PCDH9: variants seen among roughly 807,000 people sequenced by gnomAD.
PCDH9 encodes the protein protocadherin 9, also known as protocadherin-9.
A neutral mutation model predicts 70.6 loss-of-function variants in PCDH9; 24 were observed. The observed-to-expected ratio is 0.34, with a 90% CI of 0.25 to 0.48. The LOEUF is 0.48. Among genes scored for constraint, PCDH9 ranks in the 20% least tolerant of loss-of-function variants. The pLI, the probability that PCDH9 is intolerant of heterozygous loss-of-function variation, is 0.99. For missense variants in PCDH9, 1,281 were observed against 1,503.6 expected (o/e 0.85, Z 2.45); for synonymous variants, 562 against 558.5 (o/e 1.01, Z -0.09).
chr13:66,716,254 G>A (rs2078864883), intron 3 of PCDH9, among the ~76,000 whole-genome samples: 1 of 152,180 alleles, frequency 6.6e-6, no homozygotes, highest in Admixed American at 6.5e-5. Context: ...GTATGTAGTT[G>A]GCAAAAGCAG....
At chr13:66,471,659 T>A (rs932069785) in intron 4 of PCDH9, among the ~76,000 whole-genome samples, 7 of 152,208 alleles carry the variant, frequency 4.6e-5, no homozygotes, top group Admixed American at 3.3e-4. Context: ...ATAATTATTA[T>A]CTTTTTTCAC....
At chr13:67,154,593 A>T (rs867118277) in intron 2 of PCDH9, among the ~76,000 whole-genome samples, 21,861 of 85,348 alleles carry the variant, frequency 0.26, 3,357 homozygotes, top group South Asian at 0.34. Flanking sequence ...AAAAAAAAAA[A>T]AAATATATAT....
intron 4 of PCDH9, among the ~76,000 whole-genome samples, chr13:66,592,006 A>G (rs1455368193): frequency 5.3e-5 from 8 of 151,726 alleles, no homozygotes; most frequent in African/African-American, 1.9e-4. Context: ...TGTGAGGTCA[A>G]CTATTTAATG....
intron 3 of PCDH9, among the ~76,000 whole-genome samples, chr13:66,690,470 A>G (rs915148951): frequency 1.3e-5 from 2 of 152,232 alleles, no homozygotes; most frequent in African/African-American, 4.8e-5. Context: ...TTAGGGTTAA[A>G]GAATCATAAG....
chr13:67,144,108 G>T (rs2087463586), intron 2 of PCDH9, among the ~76,000 whole-genome samples: 1 of 152,138 alleles, frequency 6.6e-6, no homozygotes, highest in African/African-American at 2.4e-5. Flanking sequence ...CAAAATGTGT[G>T]AAGAGGAAAT....
At chr13:66,731,576 T>C (rs148972381) in intron 3 of PCDH9, among the ~76,000 whole-genome samples, 1 of 152,106 alleles carries the variant, frequency 6.6e-6, no homozygotes, top group Non-Finnish European at 1.5e-5. Context: ...AAGAGCATGA[T>C]GGATTATAGT....
intron 4 of PCDH9, among the ~76,000 whole-genome samples, chr13:66,494,212 A>T (rs1959079153): frequency 6.6e-6 from 1 of 152,164 alleles, no homozygotes; most frequent in Non-Finnish European, 1.5e-5. Context: ...CGATGTAAAG[A>T]ATTTCTATCA....
At chr13:66,688,805 T>C (rs568904566) in intron 3 of PCDH9, among the ~76,000 whole-genome samples, 36 of 152,256 alleles carry the variant, frequency 2.4e-4, no homozygotes, top group African/African-American at 8.7e-4. Context: ...AACTATTACC[T>C]CATTTCCCTT....
At chr13:66,908,317 T>G (rs777337502) in intron 2 of PCDH9, among the ~76,000 whole-genome samples, 4 of 152,236 alleles carry the variant, frequency 2.6e-5, no homozygotes, top group Non-Finnish European at 5.9e-5. Flanking sequence ...CTCATGGCTT[T>G]CTTTCTTCTC....
At chr13:66,754,977 A>G (rs1300740241) in intron 3 of PCDH9, among the ~76,000 whole-genome samples, 1 of 152,178 alleles carries the variant, frequency 6.6e-6, no homozygotes, top group Non-Finnish European at 1.5e-5. Context: ...AATTATATCA[A>G]TGTGGAATGA....
intron 3 of PCDH9, among the ~76,000 whole-genome samples, chr13:66,636,211 T>G (rs1357931321): frequency 2.0e-5 from 3 of 152,182 alleles, no homozygotes; most frequent in Admixed American, 1.3e-4. Context: ...TTCAACACAT[T>G]ATCTTTGTAA....
At chr13:66,951,434 A>T (rs955225487) in intron 2 of PCDH9, among the ~76,000 whole-genome samples, 2 of 152,082 alleles carry the variant, frequency 1.3e-5, no homozygotes, top group African/African-American at 4.8e-5. Flanking sequence ...TTTGTTTTTC[A>T]TATCAGAAAG....
rs78360917 is a variant in PCDH9, at chr13:66,894,808, T to A, written c.3138+8696A>T. Among the ~76,000 whole-genome samples the A allele has an allele frequency of 9.4e-3, 1,429 of 151,998 alleles. 23 individuals carry two copies. The highest frequency in any genetic ancestry group is 0.032 in the African/African-American group (1,327 of 41,344). On this transcript the variant is annotated intron_variant, in intron 3 of 4. Coordinates refer to ENST00000377865, the MANE Select transcript of PCDH9 (RefSeq NM_203487.3). ...TACTTAAAACTGTCTCATAAAATAT[T>A]AAGTATTTTTTTTTTTTTAGTCAAG...
intron 3 of PCDH9, among the ~76,000 whole-genome samples, chr13:66,648,967 G>A (rs527858338): frequency 1.3e-5 from 2 of 152,084 alleles, no homozygotes; most frequent in East Asian, 3.9e-4. Context: ...TCAAGCAGAA[G>A]AATTAGTGAG....
chr13:66,568,234 A>G (rs2076680278), intron 4 of PCDH9, among the ~76,000 whole-genome samples: 1 of 152,168 alleles, frequency 6.6e-6, no homozygotes, highest in Non-Finnish European at 1.5e-5. Flanking sequence ...TGTGCAAATC[A>G]GGAAGAGGGC....
intron 3 of PCDH9, among the ~76,000 whole-genome samples, chr13:66,766,243 G>A (rs936069614): frequency 1.3e-5 from 2 of 151,824 alleles, no homozygotes; most frequent in South Asian, 4.1e-4. Context: ...GTAGACAGCA[G>A]TAGTCAGTCT....
intron 3 of PCDH9, among the ~76,000 whole-genome samples, chr13:66,741,886 A>T (rs2079269398): frequency 6.8e-6 from 1 of 148,106 alleles, no homozygotes; most frequent in East Asian, 2.0e-4. Context: ...ATGGGTAGGA[A>T]GAATCAATAT....
chr13:66,869,956 G>C (rs1201921097), intron 3 of PCDH9, among the ~76,000 whole-genome samples: 2 of 152,158 alleles, frequency 1.3e-5, no homozygotes, highest in Admixed American at 1.3e-4. Flanking sequence ...TTTGGCTTTT[G>C]TTGCCATTGC....
chr13:66,953,150 A>G (rs1027584438), intron 2 of PCDH9, among the ~76,000 whole-genome samples: 1 of 152,204 alleles, frequency 6.6e-6, no homozygotes, highest in Non-Finnish European at 1.5e-5. Context: ...AAGCCAGAAC[A>G]TGTATTCACA....
Sources: allele counts gnomAD v4.1 joint callset (sites outside exome capture counted in the v4.1 genomes callset), GRCh38; gene constraint gnomAD v4.1.1; transcripts MANE v1.5; gene names NCBI Gene and HGNC (gene_info 2026-07-23, HGNC 2026-07-21).